Variants in PLCB1 observed in about 807,000 individuals in gnomAD.
The protein encoded by PLCB1 is 1-phosphatidylinositol 4,5-bisphosphate phosphodiesterase beta-1.
Under a neutral mutation model 161.8 loss-of-function variants are expected in PLCB1, and 46 were observed. The ratio of observed to expected loss-of-function variants is 0.28; its 90% CI spans 0.22 to 0.36. PLCB1 has a LOEUF of 0.36. Among genes scored for constraint, PLCB1 ranks in the 10% least tolerant of loss-of-function variants. The probability of loss-of-function intolerance (pLI) is 1.00; values close to 1 mark genes in which losing one functional copy is unlikely to be tolerated. For synonymous variants in PLCB1, 517 were observed against 503.7 expected (o/e 1.03, Z -0.35); for missense variants, 1,016 against 1,472.5 (o/e 0.69, Z 5.07).
At chr20:8,525,337 C>G (rs1984541153) in intron 3 of PLCB1, among the ~76,000 whole-genome samples, 1 of 151,528 alleles carries the variant, frequency 6.6e-6, no homozygotes, top group Non-Finnish European at 1.5e-5. Flanking sequence ...TATTTATAAT[C>G]AGTATTAAGG....
At chr20:8,358,749 T>C (rs1986445645) in intron 2 of PLCB1, among the ~76,000 whole-genome samples, 1 of 152,256 alleles carries the variant, frequency 6.6e-6, no homozygotes, top group African/African-American at 2.4e-5. Context: ...CAGGGTGCAA[T>C]TGTATGCAAT....
chr20:8,150,925 A>G (rs1290827550), intron 2 of PLCB1, among the ~76,000 whole-genome samples: 1 of 152,180 alleles, frequency 6.6e-6, no homozygotes, highest in Non-Finnish European at 1.5e-5. Context: ...TCTGCCCACA[A>G]TAGCATGAAT....
In PLCB1 at chr20:8,649,456, A is replaced by G; in HGVS notation, c.594+7A>G. 1 of 1,593,228 alleles carries G rather than the reference A, an allele frequency of 6.3e-7. No homozygotes were observed. Among genetic ancestry groups the G allele is most frequent in the Non-Finnish European group, 8.6e-7 (1 of 1,161,064 alleles). ...TAGTCTTCCATCTTCAAGGGTGAGC[A>G]TGTGTGTTATGCTATAGTTTGAATG... On this transcript the variant is annotated splice_region_variant and intron_variant, in intron 7 of 31. Coordinates refer to ENST00000338037, the MANE Select transcript of PLCB1 (RefSeq NM_015192.4).
At chr20:8,315,973 G>C (rs1178319984) in intron 2 of PLCB1, among the ~76,000 whole-genome samples, 1 of 152,136 alleles carries the variant, frequency 6.6e-6, no homozygotes, top group Non-Finnish European at 1.5e-5. Context: ...AACTAAATCT[G>C]CCAGCTCTCA....
chr20:8,657,731 TATATC>T (rs1437052121), intron 8 of PLCB1, among the ~76,000 whole-genome samples: 1 of 151,898 alleles, frequency 6.6e-6, no homozygotes, highest in Non-Finnish European at 1.5e-5. Flanking sequence ...ATTATAAACT[TATATC>T]AAGGCATTAC....
intron 3 of PLCB1, among the ~76,000 whole-genome samples, chr20:8,430,829 GT>G: frequency 6.6e-6 from 1 of 152,184 alleles, no homozygotes; most frequent in Non-Finnish European, 1.5e-5. Context: ...TGGTGGCTAT[GT>G]GTCTTTAGTC....
intron 31 of PLCB1, among the ~76,000 whole-genome samples, chr20:8,822,628 G>T (rs141782885): frequency 6.6e-6 from 1 of 152,268 alleles, no homozygotes; most frequent in African/African-American, 2.4e-5. Context: ...GAGTTTCCAC[G>T]AGAAAGAAAA....
intron 3 of PLCB1, among the ~76,000 whole-genome samples, chr20:8,593,350 C>CGT (rs1230928712): frequency 6.6e-6 from 1 of 151,590 alleles, no homozygotes; most frequent in Non-Finnish European, 1.5e-5. Context: ...TTTGTGTGTG[C>CGT]GCGTGTGTGT....
chr20:8,741,654 C>A (rs1361994917), intron 23 of PLCB1, 81 bp downstream of exon 23: 1 of 825,502 alleles, frequency 1.2e-6, no homozygotes, highest in Non-Finnish European at 2.1e-6. Flanking sequence ...AGTAATATCA[C>A]ATACCTTGGG....
At chr20:8,212,030 C>A (rs142983223) in intron 2 of PLCB1, among the ~76,000 whole-genome samples, 2 of 152,042 alleles carry the variant, frequency 1.3e-5, no homozygotes, top group East Asian at 3.9e-4. Context: ...TATGCTCCGA[C>A]GTCAGTGAAC....
At chr20:8,860,029 T>A (rs746408606) in intron 31 of PLCB1, among the ~76,000 whole-genome samples, 6 of 152,172 alleles carry the variant, frequency 3.9e-5, no homozygotes, top group African/African-American at 7.2e-5. Flanking sequence ...TATAAGTAAT[T>A]GGAGACTGTG....
At chr20:8,468,912 A>G (rs1282271715) in intron 3 of PLCB1, among the ~76,000 whole-genome samples, 1 of 152,184 alleles carries the variant, frequency 6.6e-6, no homozygotes, top group East Asian at 1.9e-4. Context: ...AGAGAGAGTC[A>G]TAACTCAGTC....
At chr20:8,578,294 A>C (rs1417306327) in intron 3 of PLCB1, among the ~76,000 whole-genome samples, 2 of 152,226 alleles carry the variant, frequency 1.3e-5, no homozygotes, top group Non-Finnish European at 2.9e-5. Flanking sequence ...CATTCTCTCC[A>C]GGGCAATTAA....
intron 3 of PLCB1, among the ~76,000 whole-genome samples, chr20:8,372,770 C>CT (rs1180899630): frequency 6.6e-6 from 1 of 152,108 alleles, no homozygotes; most frequent in Admixed American, 6.5e-5. Context: ...TCATATAAGC[C>CT]TGTTAGTTCC....
At chr20:8,476,251 G>A (rs1193659418) in intron 3 of PLCB1, among the ~76,000 whole-genome samples, 2 of 152,200 alleles carry the variant, frequency 1.3e-5, no homozygotes, top group African/African-American at 4.8e-5. Flanking sequence ...AATGGATTCT[G>A]TACCTCAATC....
chr20:8,487,170 T>C (rs1472619377), intron 3 of PLCB1, among the ~76,000 whole-genome samples: 1 of 152,208 alleles, frequency 6.6e-6, no homozygotes, highest in Admixed American at 6.5e-5. Flanking sequence ...TGTAATAAGA[T>C]AGAATCAGAG....
At chr20:8,342,835 A>AT in intron 2 of PLCB1, among the ~76,000 whole-genome samples, 1 of 152,278 alleles carries the variant, frequency 6.6e-6, no homozygotes, top group East Asian at 1.9e-4. Context: ...AAATGTCTGC[A>AT]TTTTTCTGGA....
chr20:8,493,264 T>C (rs1983023293), intron 3 of PLCB1, among the ~76,000 whole-genome samples: 1 of 152,176 alleles, frequency 6.6e-6, no homozygotes, highest in African/African-American at 2.4e-5. Flanking sequence ...CTTTTTATTC[T>C]ATCATTTGGC....
intron 3 of PLCB1, among the ~76,000 whole-genome samples, chr20:8,487,119 T>C (rs1487909593): frequency 6.6e-6 from 1 of 152,224 alleles, no homozygotes; most frequent in African/African-American, 2.4e-5. Flanking sequence ...AGTTTGTGTG[T>C]ATATGTGTGT....
Sources: gnomAD v4.1 joint callset for allele counts (sites outside exome capture counted in the v4.1 genomes callset) on GRCh38, gnomAD v4.1.1 for gene constraint, MANE v1.5 for transcripts, NCBI Gene and HGNC (gene_info 2026-07-23, HGNC 2026-07-21) for gene names.